The following EYS variants were observed in gnomAD, a reference collection of about 807,000 sequenced individuals.
EYS encodes the protein EGF-like photoreceptor maintenance factor.
In EYS, 250 loss-of-function variants were observed where a neutral mutation model predicts 282.1. The ratio of observed to expected loss-of-function variants is 0.89; its 90% CI spans 0.80 to 0.98. The LOEUF is 0.98. Among genes scored for constraint, EYS ranks in the 50% least tolerant of loss-of-function variants. The pLI, the probability that EYS is intolerant of heterozygous loss-of-function variation, is 0.00. For synonymous variants in EYS, 1,355 were observed against 1,282.9 expected, an observed-to-expected ratio of 1.06 and a Z score of -1.20; for missense variants, 4,016 against 3,709.0, an observed-to-expected ratio of 1.08 and a Z score of -2.15.
intron 26 of EYS, among the ~76,000 whole-genome samples, chr6:64,573,466 G>T (rs1210359119): frequency 1.3e-5 from 2 of 152,102 alleles, no homozygotes; most frequent in Non-Finnish European, 2.9e-5. Flanking sequence ...CACAGCAAAA[G>T]AAACTATCAT....
intron 31 of EYS, among the ~76,000 whole-genome samples, chr6:64,192,788 T>C (rs1171893066): frequency 1.3e-5 from 2 of 152,234 alleles, no homozygotes; most frequent in Non-Finnish European, 2.9e-5. Flanking sequence ...CCACTTGGAA[T>C]TGATTTTTAT....
At chr6:65,555,494 C>A (rs1307669549) in intron 2 of EYS, among the ~76,000 whole-genome samples, 5 of 151,880 alleles carry the variant, frequency 3.3e-5, no homozygotes, top group Non-Finnish European at 5.9e-5. Flanking sequence ...TACATTTATT[C>A]AAGAAAAATG....
At chr6:64,216,661 C>T (rs142272447) in intron 31 of EYS, among the ~76,000 whole-genome samples, 104 of 152,304 alleles carry the variant, frequency 6.8e-4, no homozygotes, top group African/African-American at 2.4e-3. Flanking sequence ...ATTCTGCAAA[C>T]AATGGGTAGC....
chr6:64,399,099 T>C (rs956236106), intron 28 of EYS, among the ~76,000 whole-genome samples: 1 of 151,824 alleles, frequency 6.6e-6, no homozygotes, highest in African/African-American at 2.4e-5. Context: ...ATAGCAACAA[T>C]AGTTATTCAC....
intron 31 of EYS, among the ~76,000 whole-genome samples, chr6:64,118,012 C>A (rs1357598569): frequency 6.6e-6 from 1 of 151,712 alleles, no homozygotes. Flanking sequence ...GCAATGAAAA[C>A]TATAAAACAC....
chr6:65,239,404 A>C (rs1767002853), intron 12 of EYS, among the ~76,000 whole-genome samples: 1 of 152,278 alleles, frequency 6.6e-6, no homozygotes, highest in Non-Finnish European at 1.5e-5. Context: ...TTGTTAACTA[A>C]AGGCTAGTTT....
Position 63,806,206 on chromosome 6 carries a change from A to G in EYS, c.7395T>C (p.Thr2465=). The G allele has an allele frequency of 6.4e-7, 1 of 1,551,486 alleles. No homozygotes were observed. Among genetic ancestry groups the G allele is most frequent in the East Asian group, 2.4e-5 (1 of 40,910 alleles). The change falls in exon 37 of 43, where the codon ACT becomes ACC. Residue 2465 remains threonine (T), a synonymous_variant. Coordinates refer to ENST00000503581, the MANE Select transcript of EYS (RefSeq NM_001142800.2). ...TAATCTTACCATGGCCTTTCTGTCC[A>G]GTAAAAAATATCAAGTTATTTTGCA... ...SALQNNLIFF[T]GQKGHGLNGD...
intron 26 of EYS, among the ~76,000 whole-genome samples, chr6:64,464,104 A>G (rs1190817134): frequency 6.6e-6 from 1 of 152,220 alleles, no homozygotes; most frequent in Non-Finnish European, 1.5e-5. Context: ...TTTTCCATGA[A>G]CAAATGGGAT....
chr6:64,477,153 G>A (rs9342288), intron 26 of EYS, among the ~76,000 whole-genome samples: 48,112 of 151,864 alleles, frequency 0.32, 7,722 homozygotes, highest in East Asian at 0.5. Flanking sequence ...GGTTCTACAC[G>A]TCGTTTCTCT....
intron 29 of EYS, among the ~76,000 whole-genome samples, chr6:64,315,879 C>T (rs747780765): frequency 3.9e-5 from 6 of 152,088 alleles, no homozygotes; most frequent in East Asian, 1.9e-4. Context: ...ACGATCAAGT[C>T]GGCTTCATCC....
At chr6:65,301,579 C>A (rs1240582979) in intron 11 of EYS, among the ~76,000 whole-genome samples, 6 of 152,236 alleles carry the variant, frequency 3.9e-5, no homozygotes, top group Non-Finnish European at 1.5e-5. Flanking sequence ...GGGATAGTGT[C>A]ATCGGTTCGG....
At chr6:65,059,487 T>C (rs942914873) in intron 12 of EYS, among the ~76,000 whole-genome samples, 3 of 152,148 alleles carry the variant, frequency 2.0e-5, no homozygotes, top group Non-Finnish European at 4.4e-5. Context: ...TCTCCTACCC[T>C]CCTACAGAGA....
intron 26 of EYS, among the ~76,000 whole-genome samples, chr6:64,542,397 A>G (rs1764717210): frequency 6.6e-6 from 1 of 152,024 alleles, no homozygotes; most frequent in Non-Finnish European, 1.5e-5. Context: ...TTCTTCCCTT[A>G]GGGAGGAAAA....
At chr6:65,557,780 G>T (rs1408272472) in intron 2 of EYS, among the ~76,000 whole-genome samples, 1 of 152,176 alleles carries the variant, frequency 6.6e-6, no homozygotes, top group Non-Finnish European at 1.5e-5. Context: ...GCAAAAGGCA[G>T]AGAGGAGTTT....
intron 22 of EYS, among the ~76,000 whole-genome samples, chr6:64,691,279 T>C (rs1322327214): frequency 6.6e-6 from 1 of 152,140 alleles, no homozygotes; most frequent in East Asian, 1.9e-4. Flanking sequence ...CTATTTAACA[T>C]GTTACAAGTC....
chr6:64,031,811 G>A (rs902407807), intron 33 of EYS, among the ~76,000 whole-genome samples: 3 of 152,088 alleles, frequency 2.0e-5, no homozygotes, highest in African/African-American at 4.8e-5. Flanking sequence ...GATTGTAAAC[G>A]CACCAATCAG....
chr6:64,661,537 A>G (rs1170729298), intron 22 of EYS, among the ~76,000 whole-genome samples: 1 of 152,222 alleles, frequency 6.6e-6, no homozygotes, highest in Non-Finnish European at 1.5e-5. Context: ...AAACAAATTG[A>G]CAAGAAAAAA....
Position 64,523,899 on chromosome 6 carries a change from T to C in EYS, c.5644+66324A>G, listed in dbSNP as rs182132357. 3.3e-5 allele frequency among the ~76,000 whole-genome samples: 5 copies of C among 151,850 alleles called. No homozygotes were observed. The East Asian group carries it at 7.8e-4, about 24-fold the overall frequency. ...AAAAGTTTAGCCAAAATACTGAAAT[T>C]GAAATTTTATCTATATAAATAAGAG... On this transcript the variant is annotated intron_variant, in intron 26 of 42. Transcript: ENST00000503581.
At chr6:64,062,992 G>A (rs1350295651) in intron 33 of EYS, among the ~76,000 whole-genome samples, 1 of 152,180 alleles carries the variant, frequency 6.6e-6, no homozygotes, top group Non-Finnish European at 1.5e-5. Context: ...GTGGACTGGA[G>A]CATTCGATAA....
Sources: gnomAD v4.1 joint callset for allele counts (sites outside exome capture counted in the v4.1 genomes callset) on GRCh38, gnomAD v4.1.1 for gene constraint, MANE v1.5 for transcripts, NCBI Gene and HGNC (gene_info 2026-07-23, HGNC 2026-07-21) for gene names.